TRAF3IP3: variants seen among roughly 807,000 people sequenced by gnomAD.
The protein encoded by TRAF3IP3 is TRAF3 interacting protein 3.
Under a neutral mutation model 86.5 loss-of-function variants are expected in TRAF3IP3, and 64 were observed. The observed-to-expected ratio is 0.74, with a 90% CI of 0.60 to 0.91. The LOEUF (loss-of-function observed/expected upper bound fraction) is 0.91. TRAF3IP3 is among the 40% of genes least tolerant of loss of function. The probability of loss-of-function intolerance (pLI) is 0.00; values close to 1 mark genes in which losing one functional copy is unlikely to be tolerated. For synonymous variants in TRAF3IP3, 220 were observed against 243.9 expected (o/e 0.90, Z 0.91); for missense variants, 579 against 642.9 (o/e 0.90, Z 1.07).
chr1:209,758,112 C>T (rs1026279568), intron 1 of TRAF3IP3, among the ~76,000 whole-genome samples: 3 of 152,122 alleles, frequency 2.0e-5, no homozygotes, highest in East Asian at 1.9e-4. Context: ...CATAATCCTG[C>T]GTCTCCTCCA....
intron 1 of TRAF3IP3, among the ~76,000 whole-genome samples, chr1:209,757,419 C>T (rs1196372296): frequency 6.6e-6 from 1 of 152,026 alleles, no homozygotes; most frequent in Non-Finnish European, 1.5e-5. Flanking sequence ...CTGAGCCAAA[C>T]AGGGAGGGGA....
intron 8 of TRAF3IP3, among the ~76,000 whole-genome samples, chr1:209,767,594 G>A (rs1467644792): frequency 6.6e-6 from 1 of 151,958 alleles, no homozygotes; most frequent in Non-Finnish European, 1.5e-5. Flanking sequence ...GGAGGCTGAG[G>A]CAGGAGGATC....
At chr1:209,777,726 C>G (rs2077688319) in intron 12 of TRAF3IP3, 1 of 504,198 alleles carries the variant, frequency 2.0e-6, no homozygotes, top group Non-Finnish European at 3.5e-6. Flanking sequence ...CTTTTTTAGC[C>G]CATCCCTCTG....
intron 8 of TRAF3IP3, among the ~76,000 whole-genome samples, chr1:209,765,420 C>T (rs1366170536): frequency 6.6e-6 from 1 of 152,154 alleles, no homozygotes; most frequent in East Asian, 1.9e-4. Flanking sequence ...TAATCCCAGA[C>T]TTTGGGAGGC....
At chr1:209,762,764 C>G in intron 4 of TRAF3IP3, 49 bp from the exon 5 acceptor site, 1 of 1,275,336 alleles carries the variant, frequency 7.8e-7, no homozygotes, top group Non-Finnish European at 1.1e-6. Flanking sequence ...CCCCACTTCC[C>G]TCACTTCCTC....
At chr1:209,777,850 C>T (rs1571961869) in intron 12 of TRAF3IP3, 1 of 543,960 alleles carries the variant, frequency 1.8e-6, no homozygotes, top group Non-Finnish European at 3.2e-6. Context: ...CAGTCACATC[C>T]TCTGTGTCCG....
chr1:209,775,784 G>A lies in TRAF3IP3; in HGVS notation c.1053+48G>A, dbSNP rs2077642646. 2.6e-6 allele frequency: 4 copies of A among 1,538,760 alleles called. No individual in the cohort carries two copies. The East Asian group carries it at 9.0e-5, about 35-fold the overall frequency. On this transcript the variant is annotated intron_variant, in intron 11 of 16. Transcript: ENST00000367025. ...AGGGAAGACAGGGTATGGGGAGGAG[G>A]GATGGTGATGAAAGAAGCTGTTCTG...
chr1:209,772,466 T>C (rs1005873983), intron 8 of TRAF3IP3, among the ~76,000 whole-genome samples: 2 of 152,088 alleles, frequency 1.3e-5, no homozygotes, highest in African/African-American at 2.4e-5. Context: ...CATAGAAATG[T>C]TGAGGAGATA....
At chr1:209,774,259 T>C (rs1054153970) in intron 9 of TRAF3IP3, among the ~76,000 whole-genome samples, 1 of 152,230 alleles carries the variant, frequency 6.6e-6, no homozygotes, top group Non-Finnish European at 1.5e-5. Context: ...AATGTATTAA[T>C]TTTAAAACAT....
chr1:209,758,151 T>C (rs1160032762), intron 1 of TRAF3IP3, among the ~76,000 whole-genome samples: 3 of 152,136 alleles, frequency 2.0e-5, no homozygotes, highest in Admixed American at 1.3e-4. Flanking sequence ...TAGACATGGG[T>C]CTCTCAGACC....
Position 209,779,532 on chromosome 1 carries a change from T to G in TRAF3IP3, c.1312+158T>G, listed in dbSNP as rs578010330. ...AGCTTTTTAAGGACTGATCATTGGC[T>G]CTGAGGACACTTCAACTAGTTAGCC... On this transcript the variant is annotated intron_variant, in intron 14 of 16. Coordinates refer to ENST00000367025, the MANE Select transcript of TRAF3IP3 (RefSeq NM_025228.4). The G allele has an allele frequency of 5.5e-6, 4 of 725,820 alleles. No individual in the cohort carries two copies. The East Asian group carries it at 1.1e-4, about 19-fold the overall frequency. 45.0% of individuals were successfully genotyped at this position (725,820 alleles called of 1,614,324 possible).
At position 209,777,334 on chromosome 1, in the gene TRAF3IP3, CCTT is replaced by C; in HGVS notation, c.1054-16_1054-14del. 6.2e-7 allele frequency: 1 copy of C among 1,608,628 alleles called. No individual in the cohort carries two copies. Reference sequence around the variant, plus strand: ...AACACTGACCTCCTTCTATATTGGCCCTTCCTCCTCCTTACAGGGAGCAGATAG... The same window carrying C: ...AACACTGACCTCCTTCTATATTGGCCCCTCCTCCTTACAGGGAGCAGATAG... On this transcript the variant is annotated splice_polypyrimidine_tract_variant and intron_variant, in intron 11 of 16. Coordinates refer to ENST00000367025, the MANE Select transcript of TRAF3IP3 (RefSeq NM_025228.4).
chr1:209,780,494 C>T lies in TRAF3IP3; in HGVS notation c.1337C>T (p.Pro446Leu). ...GATCAGGCTTTGCCCGTGTGGAGTCCAAAGTCCTTCCCTAACGAAGTGGAG... is the reference window on the plus strand; with the variant it reads ...GATCAGGCTTTGCCCGTGTGGAGTCTAAAGTCCTTCCCTAACGAAGTGGAG... The part of the protein sequence containing the change: ...KKDQALPVWS[P>L]KSFPNEVEPE... The change falls in exon 15 of 17, where the codon CCA (proline) becomes CTA (leucine). Residue 446 changes from proline to leucine, a missense_variant. By Grantham distance (98) the Pro-to-Leu change is moderately conservative (BLOSUM62 -3). Transcript: ENST00000367025. 1.3e-6 allele frequency: 2 copies of T among 1,599,148 alleles called. No homozygotes were observed. The highest frequency in any genetic ancestry group is 1.7e-6 in the Non-Finnish European group (2 of 1,172,330).
At position 209,778,181 on chromosome 1, in the gene TRAF3IP3, C is replaced by T. The variant is rs769006404; in HGVS notation, c.1252+8C>T. ...GAGTACAGCAGTTGCAGGGTAAGTT[C>T]GCTTTCCAGATTCTGAAAGTCCACA... On this transcript the variant is annotated splice_region_variant and intron_variant, in intron 13 of 16. Transcript: ENST00000367025. 3.5e-5 allele frequency: 56 copies of T among 1,613,432 alleles called. No homozygotes were observed. Among genetic ancestry groups the T allele is most frequent in the South Asian group, 5.5e-5 (5 of 91,046 alleles).
chr1:209,763,611 A>G (rs1468504438), intron 8 of TRAF3IP3, 24 bp downstream of exon 8: 1 of 1,563,306 alleles, frequency 6.4e-7, no homozygotes, highest in Non-Finnish European at 8.7e-7. Context: ...ATTCTTTTTG[A>G]ACAAAGCTTG....
chr1:209,767,450 C>T (rs769533800), intron 8 of TRAF3IP3, among the ~76,000 whole-genome samples: 1 of 152,158 alleles, frequency 6.6e-6, no homozygotes, highest in South Asian at 2.1e-4. Flanking sequence ...AATCCCAACA[C>T]TTTGGGGGGC....
chr1:209,779,192 CA>C, intron 13 of TRAF3IP3, 122 bp from the exon 14 acceptor site: 1 of 719,766 alleles, frequency 1.4e-6, no homozygotes, highest in Non-Finnish European at 2.3e-6. Context: ...TTCTGGGGGA[CA>C]AAATTCAACA....
At chr1:209,763,436 A>AC (rs2077283787) in intron 7 of TRAF3IP3, 44 bp downstream of exon 7, 1 of 1,613,000 alleles carries the variant, frequency 6.2e-7, no homozygotes, top group Non-Finnish European at 8.5e-7. Context: ...CCATCCACTT[A>AC]CCCCCGATCC....
intron 8 of TRAF3IP3, chr1:209,768,093 C>T (rs1202439287): frequency 1.0e-6 from 1 of 962,964 alleles, no homozygotes; most frequent in Non-Finnish European, 1.2e-6. Flanking sequence ...CTATCTCTTC[C>T]ATGAAAGCCT....
Sources: gnomAD v4.1 joint callset for allele counts (sites outside exome capture counted in the v4.1 genomes callset) on GRCh38, gnomAD v4.1.1 for gene constraint, MANE v1.5 for transcripts, NCBI Gene and HGNC (gene_info 2026-07-23, HGNC 2026-07-21) for gene names.